The following PRKD1 variants were observed in gnomAD, a reference collection of about 807,000 sequenced individuals.
PRKD1 encodes serine/threonine-protein kinase D1.
PRKD1 carries 63 observed loss-of-function variants against 95.9 expected under a neutral mutation model. That is an observed-to-expected ratio of 0.66 (90% confidence interval 0.54 to 0.81). PRKD1 has a LOEUF of 0.81. Ranked by LOEUF, PRKD1 falls within the 30% of genes least tolerant of loss-of-function variation. The pLI, the probability that PRKD1 is intolerant of heterozygous loss-of-function variation, is 0.00. For missense variants in PRKD1, 1,048 were observed against 1,165.3 expected (o/e 0.90, Z 1.47); for synonymous variants, 425 against 423.1 (o/e 1.00, Z -0.05).
intron 1 of PRKD1, among the ~76,000 whole-genome samples, chr14:29,863,610 C>G (rs1892782678): frequency 6.6e-6 from 1 of 151,996 alleles, no homozygotes; most frequent in Admixed American, 6.6e-5. Flanking sequence ...TATATCTCCT[C>G]TGATCACAAA....
intron 2 of PRKD1, among the ~76,000 whole-genome samples, chr14:29,669,062 T>C (rs1391571934): frequency 1.3e-5 from 2 of 152,194 alleles, no homozygotes; most frequent in Non-Finnish European, 2.9e-5. Flanking sequence ...TATGTATCAC[T>C]GAAAAATATT....
chr14:29,915,105 G>A (rs899953960), intron 1 of PRKD1, among the ~76,000 whole-genome samples: 1 of 152,174 alleles, frequency 6.6e-6, no homozygotes, highest in Admixed American at 6.5e-5. Flanking sequence ...GTGATTCATT[G>A]ATTTACACTG....
At chr14:29,655,609 T>C (rs796682440) in intron 4 of PRKD1, among the ~76,000 whole-genome samples, 34 of 152,238 alleles carry the variant, frequency 2.2e-4, no homozygotes, top group African/African-American at 7.0e-4. Flanking sequence ...AAGAAGAGCA[T>C]TGTTGGATGC....
intron 1 of PRKD1, among the ~76,000 whole-genome samples, chr14:29,844,531 A>C (rs1263864292): frequency 6.6e-6 from 1 of 152,178 alleles, no homozygotes; most frequent in Non-Finnish European, 1.5e-5. Context: ...ACATACGATG[A>C]GCCAAAAATA....
chr14:29,594,596 C>G (rs895456539), intron 16 of PRKD1, among the ~76,000 whole-genome samples: 1 of 152,154 alleles, frequency 6.6e-6, no homozygotes, highest in Non-Finnish European at 1.5e-5. Context: ...CTCTCTATCT[C>G]AAACTACTTG....
chr14:29,636,514 C>T lies in PRKD1; in HGVS notation c.986-20G>A. The T allele has an allele frequency of 6.2e-7, 1 of 1,612,506 alleles. No individual in the cohort carries two copies. The highest frequency in any genetic ancestry group is 8.5e-7 in the Non-Finnish European group (1 of 1,178,870). ...GCAAATCTAGAAAATTATTTTCACCCATGAAGATAAGCCTGGAATCTTGGA... is the reference window on the plus strand; with the variant it reads ...GCAAATCTAGAAAATTATTTTCACCTATGAAGATAAGCCTGGAATCTTGGA... On this transcript the variant is annotated intron_variant, in intron 6 of 17. Coordinates refer to ENST00000331968, the MANE Select transcript of PRKD1 (RefSeq NM_002742.3).
At chr14:29,633,811 A>G (rs1880186623) in intron 8 of PRKD1, among the ~76,000 whole-genome samples, 1 of 152,232 alleles carries the variant, frequency 6.6e-6, no homozygotes, top group South Asian at 2.1e-4. Flanking sequence ...ATTAGGTTAT[A>G]GGTGTCTGCT....
chr14:29,784,938 C>A (rs576128279), intron 1 of PRKD1, among the ~76,000 whole-genome samples: 1 of 152,314 alleles, frequency 6.6e-6, no homozygotes, highest in South Asian at 2.1e-4. Context: ...CTTCAACCAG[C>A]TTATAGAGGC....
At chr14:29,610,008 G>A (rs1354253479) in intron 13 of PRKD1, among the ~76,000 whole-genome samples, 1 of 152,118 alleles carries the variant, frequency 6.6e-6, no homozygotes, top group East Asian at 1.9e-4. Flanking sequence ...CCTATAAAAG[G>A]AGAAGTAGCT....
At chr14:29,595,825 A>G (rs1893276906) in intron 16 of PRKD1, among the ~76,000 whole-genome samples, 1 of 152,220 alleles carries the variant, frequency 6.6e-6, no homozygotes, top group African/African-American at 2.4e-5. Flanking sequence ...TTGCATTCTG[A>G]TAACAGGATC....
At chr14:29,926,851 AAGGAG>A (rs1225517313) in intron 1 of PRKD1, among the ~76,000 whole-genome samples, 1 of 151,940 alleles carries the variant, frequency 6.6e-6, no homozygotes, top group Admixed American at 6.6e-5. Flanking sequence ...CTGGTGCAGG[AAGGAG>A]GATTCCTGCA....
At chr14:29,663,063 T>TATATATA (rs566923738) in intron 4 of PRKD1, among the ~76,000 whole-genome samples, 3,402 of 145,920 alleles carry the variant, frequency 0.023, 125 homozygotes, top group African/African-American at 0.075. Context: ...TTGCATATTT[T>TATATATA]ATATATAATA....
At chr14:29,711,685 T>G (rs1327931116) in intron 2 of PRKD1, among the ~76,000 whole-genome samples, 1 of 151,582 alleles carries the variant, frequency 6.6e-6, no homozygotes, top group East Asian at 1.9e-4. Context: ...TATCTGGTAC[T>G]GACCTAACTG....
chr14:29,815,859 A>T (rs551812304), intron 1 of PRKD1, among the ~76,000 whole-genome samples: 6 of 152,276 alleles, frequency 3.9e-5, no homozygotes, highest in African/African-American at 1.4e-4. Context: ...TCATTTCTTT[A>T]TTAGCTTAAG....
intron 1 of PRKD1, among the ~76,000 whole-genome samples, chr14:29,875,752 GT>G (rs1212340291): frequency 6.6e-6 from 1 of 151,878 alleles, no homozygotes; most frequent in Admixed American, 6.6e-5. Context: ...GTTTGTTCTG[GT>G]TTTTTTTCTT....
At chr14:29,896,538 C>T (rs916510091) in intron 1 of PRKD1, among the ~76,000 whole-genome samples, 1 of 152,104 alleles carries the variant, frequency 6.6e-6, no homozygotes, top group East Asian at 1.9e-4. Context: ...GGACTGATTT[C>T]TGCCTGCATC....
At chr14:29,580,961 C>T (rs1479710961) in intron 16 of PRKD1, among the ~76,000 whole-genome samples, 3 of 151,756 alleles carry the variant, frequency 2.0e-5, no homozygotes, top group Non-Finnish European at 2.9e-5. Context: ...ACATGCATGC[C>T]CCTCCCCAGA....
Position 29,786,528 on chromosome 14 carries a change from G to A in PRKD1, c.265-60854C>T, listed in dbSNP as rs574893993. Among the ~76,000 whole-genome samples, 19 of 152,150 alleles carry A rather than the reference G, an allele frequency of 1.2e-4. No homozygotes were observed. The South Asian group carries it at 2.7e-3, about 22-fold the overall frequency. On this transcript the variant is annotated intron_variant, in intron 1 of 17. Transcript: ENST00000331968. The stretch of plus-strand genomic sequence containing the variant: ...TGATTCAATCTCATTTCTTGCTAAT[G>A]GTCTGTTCAGGTTTCCTATTTCTTC...
At chr14:29,841,962 AT>A (rs1043524188) in intron 1 of PRKD1, among the ~76,000 whole-genome samples, 1 of 151,974 alleles carries the variant, frequency 6.6e-6, no homozygotes, top group Non-Finnish European at 1.5e-5. Flanking sequence ...CACTTTTAAA[AT>A]TTTTTGTTAA....
Sources: gnomAD v4.1 joint callset for allele counts (sites outside exome capture counted in the v4.1 genomes callset) on GRCh38, gnomAD v4.1.1 for gene constraint, MANE v1.5 for transcripts, NCBI Gene and HGNC (gene_info 2026-07-23, HGNC 2026-07-21) for gene names.